ABCA13: variants seen among roughly 807,000 people sequenced by gnomAD.
ABCA13 encodes ATP-binding cassette sub-family A member 13.
In ABCA13, 476 loss-of-function variants were observed where a neutral mutation model predicts 478.7. The observed-to-expected ratio is 0.99, with a 90% CI of 0.92 to 1.07. ABCA13 has a LOEUF of 1.07. Among genes scored for constraint, ABCA13 ranks in the 50% least tolerant of loss-of-function variants. The probability of loss-of-function intolerance (pLI) is 0.00; values close to 1 mark genes in which losing one functional copy is unlikely to be tolerated. For missense variants in ABCA13, 6,060 were observed against 5,910.6 expected (o/e 1.03, Z -0.83); for synonymous variants, 2,252 against 2,158.9 (o/e 1.04, Z -1.20).
rs1032811637 is a variant in ABCA13 at position 48,646,503 on chromosome 7, A to G, written c.*991A>G. Reference sequence around the variant, plus strand: ...GTTATACAAGCAAAATCTGCATAGTATGTAGTCTTTTTTATTTATTTATTT... The same window carrying G: ...GTTATACAAGCAAAATCTGCATAGTGTGTAGTCTTTTTTATTTATTTATTT... On this transcript the variant is annotated 3_prime_UTR_variant, in exon 62 of 62. Transcript: ENST00000435803. 3.3e-5 allele frequency: 5 copies of G among 151,742 alleles called. No homozygotes were observed. Among genetic ancestry groups the G allele is most frequent in the Admixed American group, 2.6e-4 (4 of 15,174 alleles). The allele number at this position is 151,742 out of a possible 1,614,324, so 9.4% of individuals were successfully genotyped here.
At chr7:48,201,503 C>G (rs1469010868) in intron 3 of ABCA13, among the ~76,000 whole-genome samples, 1 of 152,106 alleles carries the variant, frequency 6.6e-6, no homozygotes, top group Admixed American at 6.5e-5. Flanking sequence ...GGGTGGATCA[C>G]GAGGTCAGGA....
intron 59 of ABCA13, among the ~76,000 whole-genome samples, chr7:48,640,193 G>A (rs1795004083): frequency 6.6e-6 from 1 of 152,154 alleles, no homozygotes; most frequent in Non-Finnish European, 1.5e-5. Context: ...TGAAATCAAT[G>A]TATTTGTTAT....
At chr7:48,536,700 A>G (rs982930994) in intron 55 of ABCA13, among the ~76,000 whole-genome samples, 3 of 152,032 alleles carry the variant, frequency 2.0e-5, no homozygotes, top group Non-Finnish European at 4.4e-5. Flanking sequence ...TGTATTTTAT[A>G]GTTCTTTTCC....
chr7:48,340,600 T>C (rs1415687187), intron 29 of ABCA13, among the ~76,000 whole-genome samples: 2 of 152,174 alleles, frequency 1.3e-5, no homozygotes, highest in Non-Finnish European at 2.9e-5. Context: ...GATAAGAATA[T>C]GTATTTTCAC....
chr7:48,241,802 T>C (rs1790871142), intron 10 of ABCA13, among the ~76,000 whole-genome samples: 1 of 152,246 alleles, frequency 6.6e-6, no homozygotes, highest in Non-Finnish European at 1.5e-5. Flanking sequence ...GTTCTTATGA[T>C]TACTTAAGAA....
intron 3 of ABCA13, among the ~76,000 whole-genome samples, chr7:48,216,607 A>G (rs144148655): frequency 1.1e-3 from 162 of 151,910 alleles, no homozygotes; most frequent in African/African-American, 3.7e-3. Context: ...AGTCCAACTT[A>G]TCTTTTTCTT....
At chr7:48,497,061 G>A (rs1353298869) in intron 48 of ABCA13, among the ~76,000 whole-genome samples, 1 of 151,844 alleles carries the variant, frequency 6.6e-6, no homozygotes, top group Non-Finnish European at 1.5e-5. Context: ...CTAAGATCAG[G>A]TAATAAGATT....
chr7:48,245,350 A>T (rs1791507882), intron 11 of ABCA13, among the ~76,000 whole-genome samples, 162 bp from the exon 12 acceptor site: 1 of 151,858 alleles, frequency 6.6e-6, no homozygotes, highest in Non-Finnish European at 1.5e-5. Flanking sequence ...TATTACAATG[A>T]CTCCTGTTTT....
At chr7:48,442,291 G>A (rs1009047956) in intron 42 of ABCA13, among the ~76,000 whole-genome samples, 3 of 152,208 alleles carry the variant, frequency 2.0e-5, no homozygotes, top group Non-Finnish European at 2.9e-5. Flanking sequence ...CAGACTGAGC[G>A]GCTTAAACAA....
intron 51 of ABCA13, among the ~76,000 whole-genome samples, chr7:48,513,444 A>C (rs560690960): frequency 6.6e-6 from 1 of 152,330 alleles, no homozygotes; most frequent in African/African-American, 2.4e-5. Flanking sequence ...GAGGGAAGTA[A>C]CACCTAAAAT....
intron 45 of ABCA13, among the ~76,000 whole-genome samples, chr7:48,479,269 G>A (rs558186105): frequency 4.0e-5 from 6 of 151,552 alleles, no homozygotes; most frequent in African/African-American, 7.3e-5. Context: ...ACAGAGTCTC[G>A]CTCTGTGGCC....
intron 48 of ABCA13, among the ~76,000 whole-genome samples, chr7:48,497,177 C>T (rs1830352634): frequency 6.6e-6 from 1 of 151,848 alleles, no homozygotes; most frequent in South Asian, 2.1e-4. Context: ...TTTTTTTCAT[C>T]TCGAGTCCAT....
chr7:48,296,503 A>G (rs1799390002), intron 21 of ABCA13, among the ~76,000 whole-genome samples: 1 of 149,090 alleles, frequency 6.7e-6, no homozygotes, highest in East Asian at 2.0e-4. Flanking sequence ...TCTGTTGCCC[A>G]GGCTGGAGTG....
Position 48,237,012 on chromosome 7 carries a change from G to GTT in ABCA13, c.898-2208_898-2207dup, listed in dbSNP as rs35078208. 6.4e-3 allele frequency among the ~76,000 whole-genome samples: 831 copies of GTT among 130,746 alleles called. 7 individuals carry two copies. Among genetic ancestry groups the GTT allele is most frequent in the East Asian group, 0.024 (97 of 4,090 alleles). 85.8% of individuals were successfully genotyped at this position (130,746 alleles called of 152,430 possible). A position where few individuals can be genotyped will look rare whatever the true frequency, so the allele number is the denominator to read the frequency against. On this transcript the variant is annotated intron_variant, in intron 8 of 61. Transcript: ENST00000435803. ...CCTCCTTGAGAACTCAGAGGGTAGG[G>GTT]TTTTTTTTTTTTTTTTTTTTTTGGA...
chr7:48,555,799 A>G (rs1398811062), intron 55 of ABCA13, among the ~76,000 whole-genome samples: 3 of 150,674 alleles, frequency 2.0e-5, no homozygotes, highest in Non-Finnish European at 3.0e-5. Flanking sequence ...TATTTTCTTT[A>G]TTTCACATTC....
At chr7:48,523,295 A>C (rs1832678874) in intron 53 of ABCA13, among the ~76,000 whole-genome samples, 1 of 152,126 alleles carries the variant, frequency 6.6e-6, no homozygotes, top group Non-Finnish European at 1.5e-5. Context: ...TGGTGATTTT[A>C]TATGTGGAAA....
chr7:48,426,382 C>T (rs888723923), intron 41 of ABCA13, among the ~76,000 whole-genome samples: 10 of 152,188 alleles, frequency 6.6e-5, no homozygotes, highest in African/African-American at 2.4e-4. Context: ...CTTTCTGGTG[C>T]CTTCCCCCAT....
Position 48,273,987 on chromosome 7 carries a change from G to T in ABCA13, c.4321G>T (p.Val1441Leu). Reference sequence around the variant, plus strand: ...CTCTATATTAAAAATTGTAACTTGGGTGTTAAATATAAAAAAACCTCTTTG... The same window carrying T: ...CTCTATATTAAAAATTGTAACTTGGTTGTTAAATATAAAAAAACCTCTTTG... ...MNSILKIVTWVLNIKKPLCSS... is the reference protein window; with the variant it reads ...MNSILKIVTWLLNIKKPLCSS... Residue 1441 changes from valine (V) to leucine (L), a missense_variant, in exon 17 of 62, where the codon GTG (valine) becomes TTG (leucine). Physicochemically the swap from Val to Leu is conservative, Grantham distance 32. Around this residue, in one of 3 missense-constraint regions of ABCA13, gnomAD observed 4,423 missense variants for 4,309.1 expected, o/e 1.03. Coordinates refer to ENST00000435803, the MANE Select transcript of ABCA13 (RefSeq NM_152701.5). 1 of 1,608,888 alleles carries T rather than the reference G, an allele frequency of 6.2e-7. No individual in the cohort carries two copies. The highest frequency in any genetic ancestry group is 2.2e-5 in the East Asian group (1 of 44,734).
intron 15 of ABCA13, among the ~76,000 whole-genome samples, chr7:48,257,462 T>C (rs1404751290): frequency 1.3e-5 from 2 of 152,174 alleles, no homozygotes; most frequent in African/African-American, 2.4e-5. Context: ...TGTTATTACT[T>C]TGAGGTATGT....
Sources: allele counts gnomAD v4.1 joint callset (sites outside exome capture counted in the v4.1 genomes callset), GRCh38; gene constraint gnomAD v4.1.1; regional missense constraint gnomAD v4.1.1; transcripts MANE v1.5; gene names NCBI Gene and HGNC (gene_info 2026-07-23, HGNC 2026-07-21).